The following PMEPA1 variants were observed in gnomAD, a reference collection of about 807,000 sequenced individuals.
PMEPA1 encodes prostate transmembrane protein, androgen induced 1.
Under a neutral mutation model 23.0 loss-of-function variants are expected in PMEPA1, and 11 were observed. The observed-to-expected ratio is 0.48, with a 90% CI of 0.30 to 0.79. The LOEUF is 0.79. Ranked by LOEUF, PMEPA1 falls within the 30% of genes least tolerant of loss-of-function variation. The pLI, the probability that PMEPA1 is intolerant of heterozygous loss-of-function variation, is 0.06. For missense variants in PMEPA1, 377 were observed against 390.9 expected (o/e 0.96, Z 0.30); for synonymous variants, 204 against 166.4 (o/e 1.23, Z -1.74).
rs1014109313 is a variant in PMEPA1, at chr20:57,653,102, C to T, written c.265-16G>A. On this transcript the variant is annotated splice_polypyrimidine_tract_variant and intron_variant, in intron 2 of 3. Transcript: ENST00000341744. Reference sequence around the variant, plus strand: ...GGCATCCTTCCTGCACAGGAAGAAACGTACAAGCAGGGTCAGTGGGGTGGG... The same window carrying T: ...GGCATCCTTCCTGCACAGGAAGAAATGTACAAGCAGGGTCAGTGGGGTGGG... 23 of 1,572,856 alleles carry T rather than the reference C, an allele frequency of 1.5e-5. No individual in the cohort carries two copies. In the East Asian group the frequency reaches 1.6e-4, roughly 11 times the overall value.
chr20:57,677,203 G>T (rs1294572481), intron 1 of PMEPA1, among the ~76,000 whole-genome samples: 1 of 152,214 alleles, frequency 6.6e-6, no homozygotes, highest in East Asian at 1.9e-4. Flanking sequence ...ATGGTCAGGA[G>T]CATGGATTAT....
In PMEPA1 at chr20:57,682,177, C is replaced by A. The variant is rs1432660393; in HGVS notation, c.110-22480G>T. ...TGATTCGCCCAAATACCGGGTCTGT[C>A]CTCCTTCCTTAGGTCACTATTACAC... On this transcript the variant is annotated intron_variant, in intron 1 of 3. Transcript: ENST00000341744. This position sits in a 1 kb window ranked among gnomAD's most constrained non-coding sequence, Gnocchi z 4.4. Among the ~76,000 whole-genome samples, 2 of 152,194 alleles carry A rather than the reference C, an allele frequency of 1.3e-5. No individual in the cohort carries two copies. Among genetic ancestry groups the A allele is most frequent in the Non-Finnish European group, 2.9e-5 (2 of 68,034 alleles).
At chr20:57,700,227 C>G (rs1432151728) in intron 1 of PMEPA1, 2 of 460,670 alleles carry the variant, frequency 4.3e-6, no homozygotes, top group Non-Finnish European at 9.1e-6. Flanking sequence ...CACTGACAGA[C>G]CCCTCCACAG....
At chr20:57,658,129 G>A (rs547445643) in intron 2 of PMEPA1, among the ~76,000 whole-genome samples, 3 of 152,310 alleles carry the variant, frequency 2.0e-5, no homozygotes, top group East Asian at 3.9e-4. Context: ...CGTCAGAGGC[G>A]GGCAAGTTCC....
Position 57,659,600 on chromosome 20 carries a change from T to C in PMEPA1, c.207A>G (p.Ala69=). The C allele has an allele frequency of 6.2e-7, 1 of 1,613,806 alleles. No individual in the cohort carries two copies. Among genetic ancestry groups the C allele is most frequent in the Non-Finnish European group, 8.5e-7 (1 of 1,179,924 alleles). The change falls in exon 2 of 4, where the codon GCA becomes GCG. Residue 69 remains alanine (A), a synonymous_variant. Transcript: ENST00000341744. The stretch of plus-strand genomic sequence containing the variant: ...GGCTGTGCCGGCTGATGAAGGACCG[T>C]GCAGACAGCTTGTAGTGGCTCAGCA... ...TCLLSHYKLS[A]RSFISRHSQG...
rs145317297 is a variant in PMEPA1, at chr20:57,652,524, G to T, written c.393C>A (p.His131Gln). The T allele has an allele frequency of 2.5e-6, 4 of 1,570,562 alleles. No homozygotes were observed. Among genetic ancestry groups the T allele is most frequent in the Non-Finnish European group, 3.5e-6 (4 of 1,156,568 alleles). ...GGTACGGATAGGTGGGCTGGAAGCG[G>T]TGGAAGCGCTCCCGCTGGGCGAAGG... ...VPPFAQRERFHRFQPTYPYLQ... is the reference protein window; with the variant it reads ...VPPFAQRERFQRFQPTYPYLQ... The change falls in exon 4 of 4, where the codon CAC becomes CAA. Residue 131 changes from histidine to glutamine, a missense_variant. This residue lies in a region of PMEPA1 where 198 missense variants were observed against 196.3 expected (regional missense o/e 1.01). Coordinates refer to ENST00000341744, the MANE Select transcript of PMEPA1 (RefSeq NM_020182.5). The surrounding 1 kb of genome is among the most constrained non-coding windows in gnomAD (Gnocchi z 6.1).
At chr20:57,667,658 C>T (rs868140045) in intron 1 of PMEPA1, among the ~76,000 whole-genome samples, 13 of 152,206 alleles carry the variant, frequency 8.5e-5, no homozygotes, top group Admixed American at 2.6e-4. Context: ...GGCCGCACAC[C>T]GAGGAATTAG....
intron 1 of PMEPA1, among the ~76,000 whole-genome samples, chr20:57,703,136 C>T (rs1352387621): frequency 1.3e-5 from 2 of 152,224 alleles, no homozygotes; most frequent in African/African-American, 4.8e-5. Context: ...TCGGCACTGT[C>T]ACAGCTTCAC....
chr20:57,653,460 C>T (rs2071282841), intron 2 of PMEPA1, among the ~76,000 whole-genome samples: 1 of 152,236 alleles, frequency 6.6e-6, no homozygotes, highest in African/African-American at 2.4e-5. Context: ...CTCCCCTGGG[C>T]CTGGGCCCCC....
At chr20:57,676,196 T>C (rs1466301043) in intron 1 of PMEPA1, among the ~76,000 whole-genome samples, 2 of 152,240 alleles carry the variant, frequency 1.3e-5, no homozygotes, top group Non-Finnish European at 2.9e-5. Flanking sequence ...CGAATCCAGA[T>C]GCAGCCACCT....
intron 1 of PMEPA1, among the ~76,000 whole-genome samples, chr20:57,686,580 G>A (rs1445858519): frequency 2.0e-5 from 3 of 152,232 alleles, no homozygotes; most frequent in Non-Finnish European, 4.4e-5. Flanking sequence ...GTCCTAAAGA[G>A]CTGTTGTGAG....
intron 1 of PMEPA1, among the ~76,000 whole-genome samples, chr20:57,692,327 G>A (rs1600666887): frequency 6.6e-6 from 1 of 152,236 alleles, no homozygotes; most frequent in East Asian, 1.9e-4. Flanking sequence ...CCCTGGACTT[G>A]GGCAGCTGCA....
At position 57,651,284 on chromosome 20, in the gene PMEPA1, C is replaced by A. The variant is rs1313770795; in HGVS notation, c.*769G>T. On this transcript the variant is annotated 3_prime_UTR_variant, in exon 4 of 4. Transcript: ENST00000341744. The stretch of plus-strand genomic sequence containing the variant: ...ACAGTGGCCCCTCGGGAAAGCCCGC[C>A]GCTCCTGGCCAAGGCCTCTCTGCAG... The A allele has an allele frequency of 6.6e-6, 1 of 152,552 alleles. No individual in the cohort carries two copies. The highest frequency in any genetic ancestry group is 1.5e-5 in the Non-Finnish European group (1 of 68,048). The allele number at this position is 152,552 out of a possible 1,614,324, so 9.4% of individuals were successfully genotyped here.
chr20:57,699,447 G>A (rs1007786917), intron 1 of PMEPA1, among the ~76,000 whole-genome samples: 3 of 152,238 alleles, frequency 2.0e-5, no homozygotes, highest in East Asian at 1.9e-4. Flanking sequence ...AGATCAGGGA[G>A]AGTAAGGAGC....
At chr20:57,684,718 T>C (rs2071777584) in intron 1 of PMEPA1, among the ~76,000 whole-genome samples, 1 of 152,212 alleles carries the variant, frequency 6.6e-6, no homozygotes, top group East Asian at 1.9e-4. Context: ...CGCATTCAAC[T>C]AGCCCTGATA....
At chr20:57,680,270 C>T (rs1451332042) in intron 1 of PMEPA1, among the ~76,000 whole-genome samples, 2 of 152,246 alleles carry the variant, frequency 1.3e-5, no homozygotes, top group East Asian at 1.9e-4. Flanking sequence ...GTCCCGTCAA[C>T]ACCCGCATTC....
intron 1 of PMEPA1, among the ~76,000 whole-genome samples, chr20:57,693,746 T>C (rs1469536721): frequency 6.6e-6 from 1 of 152,142 alleles, no homozygotes; most frequent in Non-Finnish European, 1.5e-5. Context: ...CATCGAGATC[T>C]TGGTTAAAAT....
In PMEPA1 at chr20:57,656,347, G is replaced by A. The variant is rs2071326765; in HGVS notation, c.264+3196C>T. Among the ~76,000 whole-genome samples, 1 of 151,800 alleles carries A rather than the reference G, an allele frequency of 6.6e-6. No homozygotes were observed. Among genetic ancestry groups the A allele is most frequent in the African/African-American group, 2.4e-5 (1 of 41,498 alleles). ...TCTTGTCCCTGCCCCTGGGAAATGG[G>A]CCCTTGGTGGGCTGGGTTCTCTCGG... is the stretch of plus-strand genomic sequence containing the variant. On this transcript the variant is annotated intron_variant, in intron 2 of 3. Coordinates refer to ENST00000341744, the MANE Select transcript of PMEPA1 (RefSeq NM_020182.5). This position sits in a 1 kb window ranked among gnomAD's most constrained non-coding sequence, Gnocchi z 4.7.
At position 57,709,536 on chromosome 20, in the gene PMEPA1, C is replaced by CCGGCGG. The variant is rs546397966; in HGVS notation, c.41_46dup (p.Ala14_Ala15dup). 2.1e-4 allele frequency: 231 copies of CCGGCGG among 1,118,884 alleles called. No homozygotes were observed. The highest frequency in any genetic ancestry group is 1.3e-4 in the East Asian group (2 of 14,820). 69.3% of individuals were successfully genotyped at this position (1,118,884 alleles called of 1,614,324 possible). A position where few individuals can be genotyped will look rare whatever the true frequency, so the allele number is the denominator to read the frequency against. ...GCACGTGCAGGAGACATTGGGCTGC[C>CCGGCGG]CGGCGGCGGCGGCGGCGGTGCTGTT... is the stretch of plus-strand genomic sequence containing the variant. On this transcript the variant is annotated inframe_insertion, in exon 1 of 4. Coordinates refer to ENST00000341744, the MANE Select transcript of PMEPA1 (RefSeq NM_020182.5).
Sources: allele counts gnomAD v4.1 joint callset (sites outside exome capture counted in the v4.1 genomes callset), GRCh38; gene constraint gnomAD v4.1.1; regional missense constraint gnomAD v4.1.1; non-coding constraint Gnocchi (gnomAD v3.1); transcripts MANE v1.5; gene names NCBI Gene and HGNC (gene_info 2026-07-23, HGNC 2026-07-21).